RUNDC3B: variants seen among roughly 807,000 people sequenced by gnomAD.
RUNDC3B encodes the protein RUN domain containing 3B.
A neutral mutation model predicts 58.4 loss-of-function variants in RUNDC3B; 33 were observed. The observed-to-expected ratio is 0.56, with a 90% CI of 0.43 to 0.75. The LOEUF (loss-of-function observed/expected upper bound fraction) is 0.75. RUNDC3B is among the 30% of genes least tolerant of loss of function. The pLI, the probability that RUNDC3B is intolerant of heterozygous loss-of-function variation, is 0.00. For missense variants in RUNDC3B, 501 were observed against 535.7 expected (o/e 0.94, Z 0.64); for synonymous variants, 193 against 195.2 (o/e 0.99, Z 0.10).
intron 2 of RUNDC3B, among the ~76,000 whole-genome samples, chr7:87,696,490 C>A (rs1331665199): frequency 6.6e-6 from 1 of 152,070 alleles, no homozygotes; most frequent in Non-Finnish European, 1.5e-5. Flanking sequence ...CTAAATTAAA[C>A]CTTTCTGTAG....
At chr7:87,682,968 C>T (rs1827073903) in intron 2 of RUNDC3B, among the ~76,000 whole-genome samples, 1 of 152,180 alleles carries the variant, frequency 6.6e-6, no homozygotes, top group Non-Finnish European at 1.5e-5. Flanking sequence ...TTAGTGTAGC[C>T]ACCTTCATCA....
intron 6 of RUNDC3B, among the ~76,000 whole-genome samples, chr7:87,752,102 C>G (rs1048360102): frequency 4.6e-5 from 7 of 152,150 alleles, no homozygotes; most frequent in Non-Finnish European, 1.0e-4. Flanking sequence ...TGAATTTTGT[C>G]AAAGGCCTTT....
chr7:87,704,243 T>C (rs1192733907), intron 3 of RUNDC3B, among the ~76,000 whole-genome samples: 3 of 152,132 alleles, frequency 2.0e-5, no homozygotes, highest in African/African-American at 7.2e-5. Flanking sequence ...TTATGTTTTC[T>C]TTATGGCTTA....
chr7:87,754,086 C>A (rs112457178), intron 6 of RUNDC3B, among the ~76,000 whole-genome samples: 4,538 of 151,662 alleles, frequency 0.03, 65 homozygotes, highest in Middle Eastern at 0.048. Flanking sequence ...CTGAAAAGGG[C>A]TTTGTGCAGT....
chr7:87,751,524 C>T (rs1350741914), intron 6 of RUNDC3B, among the ~76,000 whole-genome samples: 1 of 152,146 alleles, frequency 6.6e-6, no homozygotes, highest in Non-Finnish European at 1.5e-5. Flanking sequence ...ATGGAATGTT[C>T]TTCCATTTGC....
intron 2 of RUNDC3B, among the ~76,000 whole-genome samples, chr7:87,669,105 G>C (rs533793222): frequency 6.6e-6 from 1 of 152,086 alleles, no homozygotes; most frequent in Admixed American, 6.5e-5. Flanking sequence ...TTTTCCATGG[G>C]AGTTTGTGCC....
chr7:87,733,072 C>G (rs926090024), intron 4 of RUNDC3B, among the ~76,000 whole-genome samples: 2 of 152,152 alleles, frequency 1.3e-5, no homozygotes, highest in African/African-American at 4.8e-5. Flanking sequence ...CTAAAGAGGC[C>G]TAGAAGAGCC....
intron 1 of RUNDC3B, among the ~76,000 whole-genome samples, chr7:87,643,746 C>T (rs985328994): frequency 1.3e-5 from 2 of 151,812 alleles, no homozygotes; most frequent in African/African-American, 4.8e-5. Context: ...AGGCTAGTCT[C>T]GAACTCCTGA....
rs116038965 is a variant in RUNDC3B at position 87,756,051 on chromosome 7, C to T, written c.629+14472C>T. 7.1e-3 allele frequency among the ~76,000 whole-genome samples: 1,073 copies of T among 152,074 alleles called. 9 individuals are homozygous for T. The highest frequency in any genetic ancestry group is 0.05 in the East Asian group (257 of 5,182). On this transcript the variant is annotated intron_variant, in intron 6 of 10. Coordinates refer to ENST00000394654, the MANE Select transcript of RUNDC3B (RefSeq NM_001134405.2). ...AAGACTTACAGTCCTTTTTGGGATG[C>T]GGGGCAGGGCAGGGCAGGATTATAA...
At chr7:87,702,142 CAAAAAAAAAAAAA>C (rs146127516) in intron 3 of RUNDC3B, among the ~76,000 whole-genome samples, 17 of 16,776 alleles carry the variant, frequency 1.0e-3, no homozygotes, top group South Asian at 0.013. Flanking sequence ...GACTCTGTCT[CAAAAAAAAAAAAA>C]AAAAAAAAAA....
rs73706911 is a variant in RUNDC3B, at chr7:87,735,325, C to A, written c.459-4466C>A. On this transcript the variant is annotated intron_variant, in intron 4 of 10. Transcript: ENST00000394654. Reference sequence around the variant, plus strand: ...ATGGCTCTTACAGTCATCTAGACCTCTTTTATCTGTTGCCTAAGGCTCACC... The same window carrying A: ...ATGGCTCTTACAGTCATCTAGACCTATTTTATCTGTTGCCTAAGGCTCACC... Among the ~76,000 whole-genome samples the A allele has an allele frequency of 7.8e-3, 1,192 of 152,290 alleles. 20 individuals are homozygous for A. Among genetic ancestry groups the A allele is most frequent in the African/African-American group, 0.027 (1,128 of 41,550 alleles).
At chr7:87,778,440 CAAAA>C (rs34916526) in intron 8 of RUNDC3B, among the ~76,000 whole-genome samples, 2 of 69,312 alleles carry the variant, frequency 2.9e-5, no homozygotes. Flanking sequence ...AAAACTCTGT[CAAAA>C]AAAAAAAAAA....
At chr7:87,704,295 G>A (rs966168459) in intron 3 of RUNDC3B, among the ~76,000 whole-genome samples, 2 of 151,946 alleles carry the variant, frequency 1.3e-5, no homozygotes, top group African/African-American at 4.8e-5. Context: ...TTTAGGCTAA[G>A]GTTAAAGATT....
chr7:87,629,260 C>T (rs1453713433), intron 1 of RUNDC3B: 1 of 282,240 alleles, frequency 3.5e-6, no homozygotes, highest in East Asian at 6.0e-5. Context: ...GGAAGAAGAG[C>T]TCTTTCATTT....
intron 7 of RUNDC3B, among the ~76,000 whole-genome samples, chr7:87,773,240 A>G (rs1008397560): frequency 2.0e-5 from 3 of 151,228 alleles, no homozygotes; most frequent in Non-Finnish European, 2.9e-5. Flanking sequence ...GGAGAATGGC[A>G]TGAACCCGCG....
At position 87,696,122 on chromosome 7, in the gene RUNDC3B, C is replaced by T. The variant is rs796190265; in HGVS notation, c.239-4299C>T. 3.3e-5 allele frequency among the ~76,000 whole-genome samples: 5 copies of T among 152,062 alleles called. No individual in the cohort carries two copies. The South Asian group carries it at 8.3e-4, about 25-fold the overall frequency. On this transcript the variant is annotated intron_variant, in intron 2 of 10. Transcript: ENST00000394654. ...GGGAAAATGTTAACTTCCAAGAATA[C>T]TTATAATTGAAAGCATATTGTATAC...
intron 9 of RUNDC3B, among the ~76,000 whole-genome samples, chr7:87,811,859 T>C (rs1194371669): frequency 6.6e-6 from 1 of 152,190 alleles, no homozygotes; most frequent in African/African-American, 2.4e-5. Flanking sequence ...AATATAGATA[T>C]TCTCCTGTAG....
chr7:87,674,155 G>A lies in RUNDC3B; in HGVS notation c.238+23218G>A, dbSNP rs184871854. On this transcript the variant is annotated intron_variant, in intron 2 of 10. Transcript: ENST00000394654. ...GTGGTACCGGCCAAACCACTTCATC[G>A]AGGTGGTGGCAGTGGGATTCATGCT... is the stretch of plus-strand genomic sequence containing the variant. 8.5e-4 allele frequency among the ~76,000 whole-genome samples: 130 copies of A among 152,308 alleles called. 1 individual carries two copies. Among genetic ancestry groups the A allele is most frequent in the Non-Finnish European group, 7.5e-4 (51 of 68,022 alleles).
intron 2 of RUNDC3B, among the ~76,000 whole-genome samples, chr7:87,669,722 C>T (rs1021835944): frequency 6.6e-6 from 1 of 152,158 alleles, no homozygotes; most frequent in Non-Finnish European, 1.5e-5. Context: ...TTCTCCTTCA[C>T]TTGGGAAGCT....
Sources: allele counts gnomAD v4.1 joint callset (sites outside exome capture counted in the v4.1 genomes callset), GRCh38; gene constraint gnomAD v4.1.1; transcripts MANE v1.5; gene names NCBI Gene and HGNC (gene_info 2026-07-23, HGNC 2026-07-21).